Variants in SH3PXD2B observed in about 807,000 individuals in gnomAD.
The protein encoded by SH3PXD2B is SH3 and PX domains 2B, also known as SH3 and PX domain-containing protein 2B.
Under a neutral mutation model 73.1 loss-of-function variants are expected in SH3PXD2B, and 37 were observed. The observed-to-expected ratio is 0.51, with a 90% CI of 0.39 to 0.67. SH3PXD2B has a LOEUF of 0.67. SH3PXD2B is among the 30% of genes least tolerant of loss of function. The pLI is 0.00. For missense variants in SH3PXD2B, 1,053 were observed against 1,197.8 expected (o/e 0.88, Z 1.78); for synonymous variants, 457 against 480.5 (o/e 0.95, Z 0.64).
At chr5:172,449,606 A>G (rs964891546) in intron 1 of SH3PXD2B, among the ~76,000 whole-genome samples, 4 of 152,258 alleles carry the variant, frequency 2.6e-5, no homozygotes, top group Non-Finnish European at 5.9e-5. Context: ...TTCACGGAAG[A>G]GGAAACTCAG....
intron 1 of SH3PXD2B, among the ~76,000 whole-genome samples, chr5:172,432,235 C>CA (rs1168480658): frequency 2.0e-5 from 3 of 152,148 alleles, no homozygotes; most frequent in Non-Finnish European, 2.9e-5. Flanking sequence ...ACGCTGAACT[C>CA]AGAGTCAACA....
rs1316839327 is a variant in SH3PXD2B, at chr5:172,338,305, C to T, written c.*64G>A. 9.9e-6 allele frequency: 16 copies of T among 1,611,812 alleles called. No homozygotes were observed. Among genetic ancestry groups the T allele is most frequent in the Admixed American group, 1.7e-5 (1 of 59,972 alleles). On this transcript the variant is annotated 3_prime_UTR_variant, in exon 13 of 13. Transcript: ENST00000311601. The surrounding 1 kb of genome is among the most constrained non-coding windows in gnomAD (Gnocchi z 5.1). ...GCGTGGAGAATGATAAATTAAGAGGCGTATTAAATACGTGGGTAAAGCCAG... is the reference window on the plus strand; with the variant it reads ...GCGTGGAGAATGATAAATTAAGAGGTGTATTAAATACGTGGGTAAAGCCAG...
intron 3 of SH3PXD2B, among the ~76,000 whole-genome samples, chr5:172,395,691 C>T (rs1561921323): frequency 6.6e-6 from 1 of 152,166 alleles, no homozygotes; most frequent in African/African-American, 2.4e-5. Flanking sequence ...GTTAAGACCA[C>T]ATGACTCACC....
chr5:172,418,053 G>C (rs989005686), intron 2 of SH3PXD2B, among the ~76,000 whole-genome samples: 5 of 152,312 alleles, frequency 3.3e-5, no homozygotes, highest in Middle Eastern at 6.8e-3. Flanking sequence ...TTGTGAAGCA[G>C]CCACTAGAGA....
At chr5:172,440,323 T>C (rs2731690) in intron 1 of SH3PXD2B, among the ~76,000 whole-genome samples, 109,584 of 152,130 alleles carry the variant, frequency 0.72, 39,660 homozygotes, top group East Asian at 0.91. Context: ...TTTCTGCCAC[T>C]CCACCCTGCA....
At chr5:172,371,885 T>G (rs929220096) in intron 6 of SH3PXD2B, among the ~76,000 whole-genome samples, 2 of 152,248 alleles carry the variant, frequency 1.3e-5, no homozygotes, top group Non-Finnish European at 2.9e-5. Flanking sequence ...CTCTGCTCTT[T>G]TCTGAGAAAC....
intron 7 of SH3PXD2B, among the ~76,000 whole-genome samples, chr5:172,360,280 C>T (rs1001844409): frequency 1.3e-5 from 2 of 152,220 alleles, no homozygotes; most frequent in African/African-American, 4.8e-5. Flanking sequence ...CACGTCCACT[C>T]CTAGCTTGCT....
rs1554135102 is a variant in SH3PXD2B at position 172,348,641 on chromosome 5, T to TC, written c.1013-1310dup. 5.3e-5 allele frequency among the ~76,000 whole-genome samples: 4 copies of TC among 75,874 alleles called. No individual in the cohort carries two copies. The South Asian group carries it at 2.6e-3, about 49-fold the overall frequency. The allele number at this position is 75,874 out of a possible 152,430, so 49.8% of individuals were successfully genotyped here. On this transcript the variant is annotated intron_variant, in intron 10 of 12. Transcript: ENST00000311601. Reference sequence around the variant, plus strand: ...ATCTATCTATGTATCTATCTATGTATCTATCTATCTATCCTATCTATCTAT... The same window carrying TC: ...ATCTATCTATGTATCTATCTATGTATCCTATCTATCTATCCTATCTATCTAT...
chr5:172,405,491 G>A (rs1235347696), intron 3 of SH3PXD2B, among the ~76,000 whole-genome samples: 1 of 152,228 alleles, frequency 6.6e-6, no homozygotes, highest in East Asian at 1.9e-4. Flanking sequence ...AGATGGAGAG[G>A]GCTCCTGTGA....
chr5:172,372,660 T>C (rs1273092712), intron 6 of SH3PXD2B, among the ~76,000 whole-genome samples: 1 of 152,176 alleles, frequency 6.6e-6, no homozygotes, highest in Non-Finnish European at 1.5e-5. Flanking sequence ...TCTAGGTGCC[T>C]TACAAATATG....
intron 12 of SH3PXD2B, among the ~76,000 whole-genome samples, chr5:172,343,421 C>T (rs1756902433): frequency 6.6e-6 from 1 of 152,230 alleles, no homozygotes; most frequent in Non-Finnish European, 1.5e-5. Flanking sequence ...GTGGTAGAAG[C>T]TCTGAACATG....
At chr5:172,410,375 CT>C (rs2113439305) in intron 2 of SH3PXD2B, among the ~76,000 whole-genome samples, 1 of 152,244 alleles carries the variant, frequency 6.6e-6, no homozygotes, top group East Asian at 1.9e-4. Flanking sequence ...GGTGGAAATG[CT>C]TGGTCCACTG....
intron 8 of SH3PXD2B, among the ~76,000 whole-genome samples, chr5:172,357,285 G>A (rs1328616763): frequency 2.0e-5 from 3 of 151,932 alleles, no homozygotes; most frequent in South Asian, 2.1e-4. Context: ...CTAGCTGGGC[G>A]TGGTGGTGCA....
intron 1 of SH3PXD2B, among the ~76,000 whole-genome samples, chr5:172,438,376 TG>T (rs1759441662): frequency 6.6e-6 from 1 of 152,068 alleles, no homozygotes; most frequent in Non-Finnish European, 1.5e-5. Context: ...TGGGGGCCCT[TG>T]GGGCAGGGCC....
intron 6 of SH3PXD2B, among the ~76,000 whole-genome samples, chr5:172,368,891 A>AAT (rs1554137107): frequency 5.0e-4 from 66 of 133,164 alleles, no homozygotes; most frequent in African/African-American, 1.7e-3. Context: ...TATAAAAAAA[A>AAT]ATATATATAT....
At chr5:172,367,863 G>A (rs1038190072) in intron 6 of SH3PXD2B, among the ~76,000 whole-genome samples, 1 of 152,102 alleles carries the variant, frequency 6.6e-6, no homozygotes, top group African/African-American at 2.4e-5. Flanking sequence ...AGCAACCTTG[G>A]GAATGCTGGT....
Position 172,336,331 on chromosome 5 carries a change from C to T in SH3PXD2B, c.*2038G>A, listed in dbSNP as rs183232647. 13 of 985,634 alleles carry T rather than the reference C, an allele frequency of 1.3e-5. No homozygotes were observed. Among genetic ancestry groups the T allele is most frequent in the Admixed American group, 6.1e-5 (1 of 16,294 alleles). The allele number at this position is 985,634 out of a possible 1,614,324, so 61.1% of individuals were successfully genotyped here. A position where few individuals can be genotyped will look rare whatever the true frequency, so the allele number is the denominator to read the frequency against. On this transcript the variant is annotated 3_prime_UTR_variant, in exon 13 of 13. Transcript: ENST00000311601. ...CCTCTCAAGGGAGGGGACCCTCAAG[C>T]GGTGGCGGCCCTTCCCCACCTCCCT...
At chr5:172,424,510 AC>A (rs1176078240) in intron 1 of SH3PXD2B, among the ~76,000 whole-genome samples, 1 of 152,226 alleles carries the variant, frequency 6.6e-6, no homozygotes, top group South Asian at 2.1e-4. Flanking sequence ...AGATAGAACA[AC>A]TTCAGGGGCT....
At position 172,424,828 on chromosome 5, in the gene SH3PXD2B, A is replaced by G. The variant is rs150010330; in HGVS notation, c.76-2332T>C. Among the ~76,000 whole-genome samples the G allele has an allele frequency of 1.3e-3, 198 of 152,308 alleles. 4 individuals carry two copies. In the East Asian group the frequency reaches 0.029, roughly 22 times the overall value. On this transcript the variant is annotated intron_variant, in intron 1 of 12. Coordinates refer to ENST00000311601, the MANE Select transcript of SH3PXD2B (RefSeq NM_001017995.3). ...AAGCATACAGAGTTGTGATTAGCAC[A>G]AGAGGAAAAGCTCTGAGCACCTTGC...
Sources: gnomAD v4.1 joint callset for allele counts (sites outside exome capture counted in the v4.1 genomes callset) on GRCh38, gnomAD v4.1.1 for gene constraint, Gnocchi (gnomAD v3.1) non-coding constraint, MANE v1.5 for transcripts, NCBI Gene and HGNC (gene_info 2026-07-23, HGNC 2026-07-21) for gene names.